Variants in ZMYND11 observed in about 807,000 individuals in gnomAD.
ZMYND11 encodes the protein zinc finger MYND domain-containing protein 11.
ZMYND11 carries 9 observed loss-of-function variants against 84.9 expected under a neutral mutation model. That is an observed-to-expected ratio of 0.11 (90% CI 0.06 to 0.18). The LOEUF (loss-of-function observed/expected upper bound fraction) is 0.18, where lower values mean the gene tolerates loss of function less well. Ranked by LOEUF, ZMYND11 falls within the 10% of genes least tolerant of loss-of-function variation. The pLI is 1.00. For synonymous variants in ZMYND11, 250 were observed against 244.1 expected, an observed-to-expected ratio of 1.02 and a Z score of -0.23; for missense variants, 409 against 761.0, an observed-to-expected ratio of 0.54 and a Z score of 5.44.
chr10:132,193 G>A (rs1323819400), upstream of ZMYND11, among the ~76,000 whole-genome samples: 3 of 151,400 alleles, frequency 2.0e-5, no homozygotes, highest in African/African-American at 7.3e-5. Flanking sequence ...TTTCATTGGG[G>A]CAACCCGTTC....
In ZMYND11 at chr10:254,443, CATT is replaced by C. The variant is rs965616789; in HGVS notation, c.*1978_*1980del. 85 of 152,616 alleles carry C rather than the reference CATT, an allele frequency of 5.6e-4. No individual in the cohort carries two copies. The highest frequency in any genetic ancestry group is 2.0e-3 in the African/African-American group (83 of 41,532). 9.5% of individuals were successfully genotyped at this position (152,616 alleles called of 1,614,324 possible). ...AATTACAATTGATTGTTTTAGGAATCATTATTAAAAATTTTCTGCAAATCATAA... is the reference window on the plus strand; with the variant it reads ...AATTACAATTGATTGTTTTAGGAATCATTAAAAATTTTCTGCAAATCATAA... On this transcript the variant is annotated 3_prime_UTR_variant, in exon 15 of 15. Transcript: ENST00000381604.
chr10:233,130 G>C (rs945312122), intron 4 of ZMYND11, among the ~76,000 whole-genome samples: 1 of 152,194 alleles, frequency 6.6e-6, no homozygotes, highest in African/African-American at 2.4e-5. Flanking sequence ...GGGCTTTTAG[G>C]ACTATGAATG....
At chr10:165,146 G>A (rs1554763370) in intron 1 of ZMYND11, among the ~76,000 whole-genome samples, 1 of 151,986 alleles carries the variant, frequency 6.6e-6, no homozygotes, top group African/African-American at 2.4e-5. Flanking sequence ...CTCCAGTCCA[G>A]TTGGGGTGCT....
chr10:234,982 A>ATTGTGTGTG (rs111765274), intron 4 of ZMYND11, among the ~76,000 whole-genome samples: 60 of 148,994 alleles, frequency 4.0e-4, no homozygotes, highest in South Asian at 2.0e-3. Context: ...TATTTCGCAA[A>ATTGTGTGTG]TGTGTGTGTG....
chr10:158,762 A>G (rs192656912), intron 1 of ZMYND11, among the ~76,000 whole-genome samples: 40 of 152,002 alleles, frequency 2.6e-4, no homozygotes, highest in African/African-American at 9.2e-4. Flanking sequence ...AGTGGTTATG[A>G]ACTAGCATCT....
At chr10:170,678 A>G (rs1564310151) in intron 1 of ZMYND11, among the ~76,000 whole-genome samples, 1 of 152,168 alleles carries the variant, frequency 6.6e-6, no homozygotes, top group Non-Finnish European at 1.5e-5. Context: ...ACAAATAGTA[A>G]AGCAAGAAGT....
At chr10:221,456 A>C in intron 4 of ZMYND11, 100 bp downstream of exon 4, 1 of 1,232,302 alleles carries the variant, frequency 8.1e-7, no homozygotes, top group African/African-American at 1.5e-5. Context: ...GTGAACGGAT[A>C]AAGGACTGGA....
chr10:194,618 C>T (rs1017575802), intron 2 of ZMYND11, among the ~76,000 whole-genome samples: 4 of 152,132 alleles, frequency 2.6e-5, no homozygotes, highest in Non-Finnish European at 4.4e-5. Context: ...TCATTCCGCT[C>T]GATTTATACT....
intron 13 of ZMYND11, 102 bp from the exon 14 acceptor site, chr10:248,801 A>C (rs1027889149): frequency 4.2e-6 from 6 of 1,444,460 alleles, no homozygotes; most frequent in Non-Finnish European, 4.6e-6. Flanking sequence ...AATGAAGGGG[A>C]AAAAAGGTAC....
At chr10:162,703 A>T (rs1554762371) in intron 1 of ZMYND11, among the ~76,000 whole-genome samples, 1 of 152,120 alleles carries the variant, frequency 6.6e-6, no homozygotes, top group African/African-American at 2.4e-5. Flanking sequence ...ATGATACATT[A>T]AAAAATATGC....
At chr10:206,826 A>G (rs1225404645) in intron 2 of ZMYND11, among the ~76,000 whole-genome samples, 1 of 151,808 alleles carries the variant, frequency 6.6e-6, no homozygotes, top group Non-Finnish European at 1.5e-5. Flanking sequence ...AAATGTTTTA[A>G]TTTTTATTTT....
In ZMYND11 at chr10:154,310, T is replaced by C. The variant is rs139293025; in HGVS notation, c.-20+18751T>C. Among the ~76,000 whole-genome samples the C allele has an allele frequency of 3.5e-3, 530 of 152,274 alleles. 3 individuals are homozygous for C. The highest frequency in any genetic ancestry group is 0.012 in the African/African-American group (508 of 41,544). The stretch of plus-strand genomic sequence containing the variant: ...CATACACATGTATGGTGTTATAGTG[T>C]CTCTGTAAGGCACATCACAGCCTTC... On this transcript the variant is annotated intron_variant, in intron 1 of 14. Transcript: ENST00000381604.
chr10:233,220 G>A (rs1949311804), intron 4 of ZMYND11, among the ~76,000 whole-genome samples: 1 of 139,444 alleles, frequency 7.2e-6, no homozygotes, highest in Non-Finnish European at 1.7e-5. Context: ...TTTCCTTTGA[G>A]GTAAAATTCA....
chr10:211,291 AATCT>A (rs1015017199), intron 3 of ZMYND11, among the ~76,000 whole-genome samples: 7 of 152,108 alleles, frequency 4.6e-5, no homozygotes, highest in Admixed American at 1.3e-4. Flanking sequence ...CCCTTTCAAA[AATCT>A]ATCTCTTTCT....
intron 4 of ZMYND11, among the ~76,000 whole-genome samples, chr10:232,057 C>T (rs1949098142): frequency 6.6e-6 from 1 of 152,166 alleles, no homozygotes; most frequent in Non-Finnish European, 1.5e-5. Flanking sequence ...TCTTCAAAGC[C>T]TGAGAAAGAA....
intron 1 of ZMYND11, among the ~76,000 whole-genome samples, chr10:139,605 CATA>C (rs544360593): frequency 5.9e-4 from 90 of 151,614 alleles, no homozygotes; most frequent in Middle Eastern, 3.5e-3. Flanking sequence ...AAATGAGGAC[CATA>C]ATAATAATAT....
Position 248,483 on chromosome 10 carries a change from AACG to A in ZMYND11, c.1379_1381del (p.Asp460del). The A allele has an allele frequency of 1.9e-6, 3 of 1,614,082 alleles. No homozygotes were observed. The highest frequency in any genetic ancestry group is 2.5e-6 in the Non-Finnish European group (3 of 1,180,008). ...GCTGCATCGGAGCACCCAGACCACA[AACG>A]ACGGCGTGTGTCAGAGCATGTGCCA... On this transcript the variant is annotated inframe_deletion, in exon 13 of 15. Transcript: ENST00000381604.
intron 3 of ZMYND11, among the ~76,000 whole-genome samples, chr10:215,838 A>G (rs914243288): frequency 3.9e-5 from 6 of 152,148 alleles, no homozygotes; most frequent in African/African-American, 1.4e-4. Context: ...AATTGCAGGC[A>G]TGAGCCACCA....
chr10:185,251 T>C (rs1156754747), intron 2 of ZMYND11, among the ~76,000 whole-genome samples: 2 of 152,084 alleles, frequency 1.3e-5, no homozygotes, highest in Non-Finnish European at 2.9e-5. Flanking sequence ...CCTCTCTGTC[T>C]TCTGTAAGGG....
Sources: gnomAD v4.1 joint callset for allele counts (sites outside exome capture counted in the v4.1 genomes callset) on GRCh38, gnomAD v4.1.1 for gene constraint, MANE v1.5 for transcripts, NCBI Gene and HGNC (gene_info 2026-07-23, HGNC 2026-07-21) for gene names.